Variants in BICC1 observed in about 807,000 individuals in gnomAD.
BICC1 encodes the protein BicC family RNA binding protein 1, also known as protein bicaudal C homolog 1.
Under a neutral mutation model 111.0 loss-of-function variants are expected in BICC1, and 43 were observed. That is an observed-to-expected ratio of 0.39 (90% CI 0.30 to 0.50). The LOEUF is 0.50. BICC1 is among the 20% of genes least tolerant of loss of function. The pLI is 0.88. For missense variants in BICC1, 1,091 were observed against 1,203.2 expected (o/e 0.91, Z 1.38); for synonymous variants, 467 against 434.4 (o/e 1.07, Z -0.93).
chr10:58,587,690 T>TA (rs1844474251), intron 1 of BICC1, among the ~76,000 whole-genome samples: 1 of 152,172 alleles, frequency 6.6e-6, no homozygotes, highest in Non-Finnish European at 1.5e-5. Flanking sequence ...TTGATGTAGT[T>TA]ACAATTCAAA....
At chr10:58,716,623 C>G (rs1238460130) in intron 3 of BICC1, among the ~76,000 whole-genome samples, 1 of 152,110 alleles carries the variant, frequency 6.6e-6, no homozygotes, top group East Asian at 1.9e-4. Flanking sequence ...CTGGATACAT[C>G]TTTAAGATGT....
At chr10:58,669,380 G>C (rs569914796) in intron 2 of BICC1, among the ~76,000 whole-genome samples, 1 of 152,168 alleles carries the variant, frequency 6.6e-6, no homozygotes, top group African/African-American at 2.4e-5. Context: ...TCTATTTGGA[G>C]CATCTGAATT....
intron 2 of BICC1, chr10:58,648,618 T>C: frequency 1.0e-6 from 1 of 984,996 alleles, no homozygotes. Context: ...TCTTTCTCTC[T>C]TACAGAGACA....
At position 58,817,694 on chromosome 10, in the gene BICC1, A is replaced by G. The variant is rs1589169655; in HGVS notation, c.2666A>G (p.Lys889Arg). 1 of 1,611,872 alleles carries G rather than the reference A, an allele frequency of 6.2e-7. No homozygotes were observed. Among genetic ancestry groups the G allele is most frequent in the Non-Finnish European group, 8.5e-7 (1 of 1,178,958 alleles). Residue 889 changes from lysine to arginine, a missense_variant, in exon 19 of 21, where the codon AAA becomes AGA. Transcript: ENST00000373886. ...PELFSKLGLGKYTDVFQQQEI... is the reference protein window; with the variant it reads ...PELFSKLGLGRYTDVFQQQEI... Reference sequence around the variant, plus strand: ...CTCTTCAGCAAACTGGGCCTGGGCAAATACACAGATGTTTTCCAGCAACAA... The same window carrying G: ...CTCTTCAGCAAACTGGGCCTGGGCAGATACACAGATGTTTTCCAGCAACAA...
chr10:58,614,091 A>G (rs1259889647), intron 1 of BICC1, among the ~76,000 whole-genome samples: 2 of 152,186 alleles, frequency 1.3e-5, no homozygotes, highest in East Asian at 3.9e-4. Flanking sequence ...ATACTAATGA[A>G]TGCAGACTAA....
At chr10:58,568,258 G>T (rs1165761175) in intron 1 of BICC1, among the ~76,000 whole-genome samples, 4 of 152,098 alleles carry the variant, frequency 2.6e-5, no homozygotes, top group African/African-American at 4.8e-5. Context: ...TTCTGCTCAG[G>T]ACCCCTGGTG....
intron 1 of BICC1, among the ~76,000 whole-genome samples, chr10:58,606,830 A>G (rs1430621942): frequency 6.6e-6 from 1 of 152,234 alleles, no homozygotes; most frequent in East Asian, 1.9e-4. Flanking sequence ...ATTTTCTAGT[A>G]TATTTCTTTG....
intron 1 of BICC1, among the ~76,000 whole-genome samples, chr10:58,518,523 A>G (rs1275362542): frequency 6.8e-6 from 1 of 148,134 alleles, no homozygotes; most frequent in South Asian, 2.2e-4. Context: ...CTAGAAAGCA[A>G]ATACTTGCCA....
intron 10 of BICC1, among the ~76,000 whole-genome samples, chr10:58,797,811 C>T (rs1843404793): frequency 6.6e-6 from 1 of 151,870 alleles, no homozygotes; most frequent in South Asian, 2.1e-4. Context: ...CTTAGAACAA[C>T]AACAACAACA....
rs1564563438 is a variant in BICC1 at position 58,702,143 on chromosome 10, G to A, written c.307G>A (p.Asp103Asn). ...KLKIGAKSKK[D>N]PHIKVSGKKE... is the part of the protein sequence containing the mutation. ...GAAGATCGGAGCCAAATCCAAGAAA[G>A]GTAAATTGTGAGAGGGCAAGAAATA... The change falls in exon 3 of 21, where the codon GAT (aspartate) becomes AAT (asparagine). Residue 103 changes from aspartate to asparagine, a missense_variant and splice_region_variant. Asp to Asn is a conservative substitution (Grantham distance 23, BLOSUM62 1). This residue lies in a region of BICC1 where 843 missense variants were observed against 900.8 expected (regional missense o/e 0.94). Transcript: ENST00000373886. 6.2e-7 allele frequency: 1 copy of A among 1,611,086 alleles called. No individual in the cohort carries two copies. Among genetic ancestry groups the A allele is most frequent in the Non-Finnish European group, 8.5e-7 (1 of 1,178,028 alleles).
chr10:58,568,408 A>G (rs919513335), intron 1 of BICC1, among the ~76,000 whole-genome samples: 2 of 152,028 alleles, frequency 1.3e-5, no homozygotes, highest in Admixed American at 6.6e-5. Flanking sequence ...AGATCACCAC[A>G]CTCTAAACCT....
At chr10:58,523,533 A>G (rs1842449708) in intron 1 of BICC1, among the ~76,000 whole-genome samples, 1 of 152,234 alleles carries the variant, frequency 6.6e-6, no homozygotes. Context: ...TCAATAAATT[A>G]GGTATTGATG....
chr10:58,607,483 C>T (rs1243257493), intron 1 of BICC1, among the ~76,000 whole-genome samples: 1 of 151,562 alleles, frequency 6.6e-6, no homozygotes, highest in Non-Finnish European at 1.5e-5. Context: ...TCATCTTCTC[C>T]ACCTCCTTTA....
intron 2 of BICC1, among the ~76,000 whole-genome samples, chr10:58,647,614 T>A (rs1427806579): frequency 1.3e-5 from 2 of 152,128 alleles, no homozygotes; most frequent in Non-Finnish European, 2.9e-5. Context: ...CACGATAACC[T>A]GTGTCTTTTC....
chr10:58,788,003 C>G (rs1006188347), intron 5 of BICC1, among the ~76,000 whole-genome samples: 8 of 151,810 alleles, frequency 5.3e-5, no homozygotes, highest in Non-Finnish European at 1.2e-4. Context: ...CCTAGTGTAG[C>G]TCTGTCATTG....
chr10:58,572,213 T>C (rs1416700249), intron 1 of BICC1, among the ~76,000 whole-genome samples: 1 of 152,158 alleles, frequency 6.6e-6, no homozygotes, highest in Non-Finnish European at 1.5e-5. Context: ...TCCTTATAGA[T>C]GCTGGATATT....
At chr10:58,571,946 C>T (rs966891214) in intron 1 of BICC1, among the ~76,000 whole-genome samples, 3 of 152,150 alleles carry the variant, frequency 2.0e-5, no homozygotes, top group African/African-American at 7.2e-5. Context: ...ATTTGTACTA[C>T]CACCAACAGT....
At chr10:58,596,131 A>G (rs1358874895) in intron 1 of BICC1, among the ~76,000 whole-genome samples, 1 of 152,244 alleles carries the variant, frequency 6.6e-6, no homozygotes, top group African/African-American at 2.4e-5. Flanking sequence ...AAATTCTTGG[A>G]CACATACACC....
intron 2 of BICC1, among the ~76,000 whole-genome samples, chr10:58,640,448 G>C (rs565793141): frequency 6.6e-6 from 1 of 152,296 alleles, no homozygotes; most frequent in South Asian, 2.1e-4. Context: ...GTCTTAAGGT[G>C]TTATAACTTA....
Sources: gnomAD v4.1 joint callset for allele counts (sites outside exome capture counted in the v4.1 genomes callset) on GRCh38, gnomAD v4.1.1 for gene constraint, gnomAD v4.1.1 regional missense constraint, MANE v1.5 for transcripts, NCBI Gene and HGNC (gene_info 2026-07-23, HGNC 2026-07-21) for gene names.